KYNU: variants seen among roughly 807,000 people sequenced by gnomAD.
The protein encoded by KYNU is L-kynurenine hydrolase.
In KYNU, 54 loss-of-function variants were observed where a neutral mutation model predicts 59.2. The observed-to-expected ratio is 0.91, with a 90% CI of 0.73 to 1.14. The LOEUF (loss-of-function observed/expected upper bound fraction) is 1.14. Among genes scored for constraint, KYNU ranks in the 50% most tolerant of loss-of-function variants. KYNU has a pLI of 0.00. For synonymous variants in KYNU, 177 were observed against 192.0 expected, an observed-to-expected ratio of 0.92 and a Z score of 0.65; for missense variants, 567 against 554.4, an observed-to-expected ratio of 1.02 and a Z score of -0.23.
chr2:142,972,813 TAGAG>T (rs66473877), intron 8 of KYNU, among the ~76,000 whole-genome samples: 430 of 124,212 alleles, frequency 3.5e-3, no homozygotes, highest in Admixed American at 5.3e-3. Context: ...TATATATATA[TAGAG>T]AGAGAGAGAG....
intron 4 of KYNU, chr2:142,947,421 A>G: frequency 1.8e-6 from 1 of 560,734 alleles, no homozygotes; most frequent in Non-Finnish European, 3.0e-6. Context: ...AATGTCCCAA[A>G]CAGCGCTTCC....
chr2:142,974,409 A>C (rs1422699191), intron 8 of KYNU, among the ~76,000 whole-genome samples: 2 of 152,220 alleles, frequency 1.3e-5, no homozygotes, highest in Non-Finnish European at 2.9e-5. Context: ...ATCTGTAGCT[A>C]TCTGCTTAAG....
intron 8 of KYNU, among the ~76,000 whole-genome samples, chr2:142,981,070 A>G (rs1431348519): frequency 1.3e-5 from 2 of 152,120 alleles, no homozygotes; most frequent in East Asian, 1.9e-4. Flanking sequence ...TATTTTAATA[A>G]TTTATATTGT....
At chr2:142,977,856 T>C (rs1264403761) in intron 8 of KYNU, among the ~76,000 whole-genome samples, 1 of 152,160 alleles carries the variant, frequency 6.6e-6, no homozygotes, top group Non-Finnish European at 1.5e-5. Flanking sequence ...TTGAAGGCCG[T>C]GGCAAATTTA....
intron 12 of KYNU, among the ~76,000 whole-genome samples, chr2:143,038,982 T>G (rs1686963377): frequency 6.6e-6 from 1 of 152,154 alleles, no homozygotes; most frequent in African/African-American, 2.4e-5. Flanking sequence ...ATAGGATATA[T>G]TTTTACACTC....
At chr2:143,042,005 G>T in intron 13 of KYNU, 42 bp from the exon 14 acceptor site, 1 of 1,599,608 alleles carries the variant, frequency 6.3e-7, no homozygotes. Context: ...TTCAACGTGT[G>T]AATAATGCTA....
intron 10 of KYNU, among the ~76,000 whole-genome samples, chr2:142,994,086 AT>A (rs1313710744): frequency 6.6e-6 from 1 of 151,400 alleles, no homozygotes; most frequent in South Asian, 2.1e-4. Flanking sequence ...CAGGGACTTT[AT>A]TTTTTTTTCT....
intron 10 of KYNU, among the ~76,000 whole-genome samples, chr2:143,015,902 A>G (rs1284507675): frequency 6.6e-6 from 1 of 152,182 alleles, no homozygotes; most frequent in Non-Finnish European, 1.5e-5. Context: ...TTTGAATTTA[A>G]CTCAGTGGCT....
At chr2:142,975,967 T>G (rs1031784080) in intron 8 of KYNU, among the ~76,000 whole-genome samples, 2 of 152,214 alleles carry the variant, frequency 1.3e-5, no homozygotes, top group African/African-American at 4.8e-5. Flanking sequence ...ATTGGATTTC[T>G]TATCTTCAAA....
rs1457417858 is a variant in KYNU at position 143,050,355 on chromosome 2, A to G, written c.*8183A>G. ...GTGTGTTGTTCCCCTCTCTGTGTCC[A>G]TGTATTCTCGCCTCCCACTTATGAG... On this transcript the variant is annotated 3_prime_UTR_variant, in exon 14 of 14. Transcript: ENST00000264170. The G allele has an allele frequency of 1.3e-5, 2 of 151,558 alleles. No individual in the cohort carries two copies. The highest frequency in any genetic ancestry group is 2.9e-5 in the Non-Finnish European group (2 of 67,926). The allele number at this position is 151,558 out of a possible 1,614,324, so 9.4% of individuals were successfully genotyped here.
In KYNU at chr2:143,048,092, A is replaced by T. The variant is rs1687197807; in HGVS notation, c.*5920A>T. 6.6e-6 allele frequency: 1 copy of T among 151,980 alleles called. No homozygotes were observed. Among genetic ancestry groups the T allele is most frequent in the African/African-American group, 2.4e-5 (1 of 41,376 alleles). 9.4% of individuals were successfully genotyped at this position (151,980 alleles called of 1,614,324 possible). The stretch of plus-strand genomic sequence containing the variant: ...ACTCCTGACTTCAGGTGATCCGCCC[A>T]CTTTGACCTTCCAAAATGCTGGGAT... On this transcript the variant is annotated 3_prime_UTR_variant, in exon 14 of 14. Coordinates refer to ENST00000264170, the MANE Select transcript of KYNU (RefSeq NM_003937.3).
intron 8 of KYNU, among the ~76,000 whole-genome samples, chr2:142,962,887 T>C (rs182038419): frequency 2.5e-3 from 383 of 152,308 alleles, no homozygotes; most frequent in African/African-American, 8.9e-3. Context: ...GGTCTGGTCA[T>C]CTGTGAATAA....
intron 2 of KYNU, among the ~76,000 whole-genome samples, chr2:142,889,515 G>A (rs778850083): frequency 2.6e-5 from 4 of 151,890 alleles, no homozygotes; most frequent in African/African-American, 7.3e-5. Context: ...GCAGGACACA[G>A]GGCAGGGGAT....
chr2:142,990,393 T>A lies in KYNU; in HGVS notation c.902+4372T>A, dbSNP rs1310609760. 2.0e-5 allele frequency among the ~76,000 whole-genome samples: 3 copies of A among 151,900 alleles called. No homozygotes were observed. In the East Asian group the frequency reaches 5.8e-4, roughly 29 times the overall value. ...AAATGTTAACCCTCATGGCACACTT[T>A]AGAGGACTATTTAACCTTTCAACTT... On this transcript the variant is annotated intron_variant, in intron 10 of 13. Coordinates refer to ENST00000264170, the MANE Select transcript of KYNU (RefSeq NM_003937.3).
At chr2:142,988,981 G>A (rs1685311339) in intron 10 of KYNU, 21 of 1,134,306 alleles carry the variant, frequency 1.9e-5, no homozygotes, top group Non-Finnish European at 2.6e-5. Context: ...GTGTCCCTTA[G>A]TGTGTTTTAC....
chr2:143,027,410 CTCA>C (rs1358947015), intron 10 of KYNU, among the ~76,000 whole-genome samples: 2 of 151,984 alleles, frequency 1.3e-5, no homozygotes, highest in Middle Eastern at 3.2e-3. Context: ...AAAATATGGT[CTCA>C]TCTTTACATT....
intron 2 of KYNU, among the ~76,000 whole-genome samples, chr2:142,895,066 A>G (rs1410262012): frequency 6.6e-6 from 1 of 152,226 alleles, no homozygotes. Flanking sequence ...GATTGGTAGA[A>G]TGTTCTCTTT....
At chr2:142,885,753 G>T (rs905623011) in intron 2 of KYNU, among the ~76,000 whole-genome samples, 2 of 152,146 alleles carry the variant, frequency 1.3e-5, no homozygotes, top group East Asian at 3.8e-4. Context: ...TGAAATACAT[G>T]CAGGGTACTT....
intron 1 of KYNU, among the ~76,000 whole-genome samples, chr2:142,881,909 C>CTTTTTTTTTTTT (rs1222437103): frequency 1.2e-4 from 15 of 124,668 alleles, no homozygotes; most frequent in African/African-American, 4.6e-4. Context: ...CTTTTCTTTT[C>CTTTTTTTTTTTT]TTTTTTCTTT....
Sources: gnomAD v4.1 joint callset for allele counts (sites outside exome capture counted in the v4.1 genomes callset) on GRCh38, gnomAD v4.1.1 for gene constraint, MANE v1.5 for transcripts, NCBI Gene and HGNC (gene_info 2026-07-23, HGNC 2026-07-21) for gene names.